The following CGGBP1 variants were observed in gnomAD, a reference collection of about 807,000 sequenced individuals.
The protein encoded by CGGBP1 is CGG triplet repeat binding protein 1.
CGGBP1 carries 4 observed loss-of-function variants against 11.4 expected under a neutral mutation model. The observed-to-expected ratio is 0.35, with a 90% CI of 0.17 to 0.80. The LOEUF (loss-of-function observed/expected upper bound fraction) is 0.80, where lower values mean the gene tolerates loss of function less well. Ranked by LOEUF, CGGBP1 falls within the 30% of genes least tolerant of loss-of-function variation. CGGBP1 has a pLI of 0.52. For missense variants in CGGBP1, 135 were observed against 202.1 expected (o/e 0.67, Z 2.01); for synonymous variants, 76 against 74.1 (o/e 1.03, Z -0.13).
At chr3:88,139,766 T>C (rs1320798898) in intron 2 of CGGBP1, 1 of 1,554,284 alleles carries the variant, frequency 6.4e-7, no homozygotes, top group Non-Finnish European at 8.7e-7. Context: ...GTGGGGATGA[T>C]TATGAGGAGG....
At chr3:88,094,439 T>C (rs927138181) in intron 2 of CGGBP1, among the ~76,000 whole-genome samples, 2 of 152,144 alleles carry the variant, frequency 1.3e-5, no homozygotes, top group African/African-American at 2.4e-5. Flanking sequence ...TTGGTAGGGA[T>C]GGAAAGTGAT....
At chr3:88,137,154 C>T (rs986029106) in intron 2 of CGGBP1, among the ~76,000 whole-genome samples, 3 of 116,246 alleles carry the variant, frequency 2.6e-5, no homozygotes, top group African/African-American at 9.8e-5. Context: ...GAGATCATGC[C>T]ATTCTACTCC....
At position 88,055,039 on chromosome 3, in the gene CGGBP1, A is replaced by G. The variant is rs1421489292; in HGVS notation, c.*434T>C. ...CCTTCCTTTTTGAAGAGGATCCTCT[A>G]AAGAAAATAATTCCTTTAAGTTACT... On this transcript the variant is annotated 3_prime_UTR_variant, in exon 4 of 4. Coordinates refer to ENST00000482016, the MANE Select transcript of CGGBP1 (RefSeq NM_001008390.2). This position sits in a 1 kb window ranked among gnomAD's most constrained non-coding sequence, Gnocchi z 4.2. The G allele has an allele frequency of 6.5e-6, 1 of 153,798 alleles. No homozygotes were observed. The highest frequency in any genetic ancestry group is 1.9e-4 in the East Asian group (1 of 5,230). 9.5% of individuals were successfully genotyped at this position (153,798 alleles called of 1,614,324 possible).
intron 1 of CGGBP1, among the ~76,000 whole-genome samples, chr3:88,147,278 TG>T (rs1242551533): frequency 6.6e-6 from 1 of 152,090 alleles, no homozygotes; most frequent in African/African-American, 2.4e-5. Context: ...ATGGTGTTGG[TG>T]GTGATTTTAA....
chr3:88,113,061 T>C (rs1705190662), intron 2 of CGGBP1: 2 of 1,241,964 alleles, frequency 1.6e-6, no homozygotes, highest in Non-Finnish European at 2.2e-6. Context: ...GATAATCTTT[T>C]AATTGGAGCA....
At chr3:88,120,789 A>G (rs1254260857) in intron 2 of CGGBP1, among the ~76,000 whole-genome samples, 3 of 120,230 alleles carry the variant, frequency 2.5e-5, no homozygotes, top group Non-Finnish European at 5.5e-5. Flanking sequence ...TTTTAAATTC[A>G]ACAGTATAAA....
At chr3:88,085,148 A>G (rs1708274762) in intron 2 of CGGBP1, among the ~76,000 whole-genome samples, 1 of 152,206 alleles carries the variant, frequency 6.6e-6, no homozygotes, top group Non-Finnish European at 1.5e-5. Context: ...TAGTGTGAAA[A>G]GTCTTTTGGG....
At chr3:88,119,855 C>T (rs1705664583) in intron 2 of CGGBP1, among the ~76,000 whole-genome samples, 1 of 152,158 alleles carries the variant, frequency 6.6e-6, no homozygotes, top group Non-Finnish European at 1.5e-5. Flanking sequence ...CAACTACCAA[C>T]TAATTTTGAA....
intron 1 of CGGBP1, among the ~76,000 whole-genome samples, chr3:88,144,991 C>T (rs949683765): frequency 9.9e-5 from 15 of 151,940 alleles, no homozygotes; most frequent in African/African-American, 3.6e-4. Flanking sequence ...TGTCGGAACT[C>T]TCCGAAGTCA....
At chr3:88,126,296 CA>C (rs1296783876) in intron 2 of CGGBP1, 13 of 1,437,124 alleles carry the variant, frequency 9.0e-6, no homozygotes, top group Non-Finnish European at 1.2e-5. Context: ...AAAATCAAAC[CA>C]ACATTTGTGA....
chr3:88,083,384 A>T (rs1708180710), intron 2 of CGGBP1, among the ~76,000 whole-genome samples: 1 of 152,148 alleles, frequency 6.6e-6, no homozygotes, highest in African/African-American at 2.4e-5. Flanking sequence ...AAGATATGAC[A>T]TTTTATAGTA....
chr3:88,111,852 A>C, intron 2 of CGGBP1, among the ~76,000 whole-genome samples: 1 of 151,944 alleles, frequency 6.6e-6, no homozygotes, highest in East Asian at 1.9e-4. Flanking sequence ...TTTTATTTTC[A>C]TAAATATGAG....
intron 1 of CGGBP1, among the ~76,000 whole-genome samples, 199 bp downstream of exon 1, chr3:88,058,616 T>TGGCGGCAGTCTCAAGGGAGGC (rs1343656523): frequency 1.3e-5 from 2 of 152,184 alleles, no homozygotes; most frequent in African/African-American, 2.4e-5. Flanking sequence ...ACAGCCGACT[T>TGGCGGCAGTCTCAAGGGAGGC]GGCGGCAGTC....
At chr3:88,064,109 C>CTTTTT (rs34753092) in intron 2 of CGGBP1, among the ~76,000 whole-genome samples, 1 of 147,904 alleles carries the variant, frequency 6.8e-6, no homozygotes, top group Non-Finnish European at 1.5e-5. Context: ...CGAGCTTCTT[C>CTTTTT]TTTTTTTTTT....
chr3:88,079,372 T>C (rs1707968614), intron 2 of CGGBP1, among the ~76,000 whole-genome samples: 1 of 152,114 alleles, frequency 6.6e-6, no homozygotes, highest in Non-Finnish European at 1.5e-5. Context: ...ATATTTAATC[T>C]AGGAAGAGAC....
chr3:88,094,805 C>G (rs1175117805), intron 2 of CGGBP1, among the ~76,000 whole-genome samples: 1 of 151,774 alleles, frequency 6.6e-6, no homozygotes, highest in African/African-American at 2.4e-5. Context: ...TTTTTAACTT[C>G]CTTCCCACTA....
At chr3:88,131,391 T>C (rs1706455581) in intron 2 of CGGBP1, among the ~76,000 whole-genome samples, 2 of 152,214 alleles carry the variant, frequency 1.3e-5, no homozygotes, top group Non-Finnish European at 2.9e-5. Context: ...ATGACAGTTA[T>C]AATAGATCTT....
chr3:88,085,161 C>CT (rs1451658259), intron 2 of CGGBP1, among the ~76,000 whole-genome samples: 2 of 152,164 alleles, frequency 1.3e-5, no homozygotes, highest in Non-Finnish European at 2.9e-5. Context: ...CTTTTGGGCT[C>CT]TGAGTGTTCT....
intron 1 of CGGBP1, chr3:88,143,582 C>T (rs1707225789): frequency 6.6e-6 from 1 of 152,244 alleles, no homozygotes. Context: ...TATTTTATCA[C>T]ATTTTCCACA....
Sources: gnomAD v4.1 joint callset for allele counts (sites outside exome capture counted in the v4.1 genomes callset) on GRCh38, gnomAD v4.1.1 for gene constraint, Gnocchi (gnomAD v3.1) non-coding constraint, MANE v1.5 for transcripts, NCBI Gene and HGNC (gene_info 2026-07-23, HGNC 2026-07-21) for gene names.